Variants in MAGI2 observed in about 807,000 individuals in gnomAD.
MAGI2 encodes the protein membrane associated guanylate kinase, WW and PDZ domain containing 2.
In MAGI2, 35 loss-of-function variants were observed where a neutral mutation model predicts 133.3. The ratio of observed to expected loss-of-function variants is 0.26; its 90% CI spans 0.20 to 0.35. MAGI2 has a LOEUF of 0.35. Among genes scored for constraint, MAGI2 ranks in the 10% least tolerant of loss-of-function variants. MAGI2 has a pLI of 1.00. For missense variants in MAGI2, 1,636 were observed against 1,863.4 expected, an observed-to-expected ratio of 0.88 and a Z score of 2.25; for synonymous variants, 729 against 710.6, an observed-to-expected ratio of 1.03 and a Z score of -0.41.
At chr7:78,576,491 G>A (rs1269390658) in intron 3 of MAGI2, among the ~76,000 whole-genome samples, 1 of 151,996 alleles carries the variant, frequency 6.6e-6, no homozygotes, top group Non-Finnish European at 1.5e-5. Flanking sequence ...TCTCTTCCAA[G>A]GCAGGTCATA....
chr7:79,273,887 T>C (rs1438621504), intron 1 of MAGI2, among the ~76,000 whole-genome samples: 2 of 152,226 alleles, frequency 1.3e-5, no homozygotes, highest in East Asian at 1.9e-4. Context: ...GAGATAATTA[T>C]GGTACTAATA....
chr7:78,667,403 A>T lies in MAGI2; in HGVS notation c.419-40164T>A, dbSNP rs1219021638. Among the ~76,000 whole-genome samples the T allele has an allele frequency of 2.1e-5, 3 of 142,906 alleles. No homozygotes were observed. The Admixed American group carries it at 2.1e-4, about 10-fold the overall frequency. The allele number at this position is 142,906 out of a possible 152,430, so 93.8% of individuals were successfully genotyped here. On this transcript the variant is annotated intron_variant, in intron 2 of 21. Transcript: ENST00000354212. ...TAATTTTTTAAAAAATTTTATTATT[A>T]TTATACTTTAAGTTTTAGGGTACAT... is the stretch of plus-strand genomic sequence containing the variant.
intron 1 of MAGI2, among the ~76,000 whole-genome samples, chr7:79,449,335 C>A (rs1484502419): frequency 6.7e-6 from 1 of 149,670 alleles, no homozygotes; most frequent in Non-Finnish European, 1.5e-5. Flanking sequence ...GCCCATCTTC[C>A]ACATGGGAAG....
At chr7:78,023,781 C>T (rs941800699) in intron 21 of MAGI2, among the ~76,000 whole-genome samples, 1 of 152,178 alleles carries the variant, frequency 6.6e-6, no homozygotes, top group Admixed American at 6.5e-5. Context: ...TGGCCCTCCA[C>T]ATCTGTGGGT....
At chr7:79,222,912 T>C (rs772803426) in intron 1 of MAGI2, among the ~76,000 whole-genome samples, 47 of 152,018 alleles carry the variant, frequency 3.1e-4, no homozygotes, top group Non-Finnish European at 5.6e-4. Flanking sequence ...TGAGACGGAG[T>C]CTCACTCTGT....
chr7:78,506,299 A>G (rs1795080566), intron 4 of MAGI2, among the ~76,000 whole-genome samples: 1 of 152,150 alleles, frequency 6.6e-6, no homozygotes, highest in South Asian at 2.1e-4. Flanking sequence ...TCTGTGGGGT[A>G]GGGGTAGGCT....
chr7:78,238,662 C>T (rs1790811095), intron 10 of MAGI2, among the ~76,000 whole-genome samples: 1 of 152,158 alleles, frequency 6.6e-6, no homozygotes, highest in Non-Finnish European at 1.5e-5. Context: ...TAACCAACCT[C>T]CTCCAAGCTT....
chr7:78,994,157 T>C (rs1441944827), intron 2 of MAGI2, among the ~76,000 whole-genome samples: 1 of 151,998 alleles, frequency 6.6e-6, no homozygotes, highest in Non-Finnish European at 1.5e-5. Flanking sequence ...GTCATTACAC[T>C]GAGTCTCAAG....
intron 20 of MAGI2, among the ~76,000 whole-genome samples, chr7:78,091,803 A>G (rs2151218822): frequency 6.6e-6 from 1 of 152,346 alleles, no homozygotes; most frequent in African/African-American, 2.4e-5. Flanking sequence ...CTTCTACATG[A>G]AGAAGCAGCT....
At chr7:78,553,132 G>A (rs1046978146) in intron 3 of MAGI2, among the ~76,000 whole-genome samples, 4 of 150,352 alleles carry the variant, frequency 2.7e-5, no homozygotes, top group African/African-American at 9.8e-5. Flanking sequence ...GTATTCCAGA[G>A]CCCAGATTTG....
chr7:79,397,285 A>G (rs1425260296), intron 1 of MAGI2, among the ~76,000 whole-genome samples: 2 of 151,424 alleles, frequency 1.3e-5, no homozygotes, highest in Non-Finnish European at 2.9e-5. Context: ...AGATTTGATT[A>G]TTTTTTCACA....
chr7:78,306,767 GA>G (rs1406367285), intron 9 of MAGI2, among the ~76,000 whole-genome samples: 1 of 152,088 alleles, frequency 6.6e-6, no homozygotes, highest in Non-Finnish European at 1.5e-5. Flanking sequence ...TTTCTATCCT[GA>G]ATTAATTAAC....
chr7:78,684,635 T>C (rs1816072192), intron 2 of MAGI2, among the ~76,000 whole-genome samples: 1 of 152,150 alleles, frequency 6.6e-6, no homozygotes, highest in Non-Finnish European at 1.5e-5. Context: ...ACTTCTGTAT[T>C]ATTAAAAGAG....
intron 10 of MAGI2, among the ~76,000 whole-genome samples, chr7:78,247,534 G>A (rs1484997411): frequency 1.3e-5 from 2 of 152,044 alleles, no homozygotes; most frequent in Non-Finnish European, 2.9e-5. Context: ...AATACAGATA[G>A]ACAGTTGAAA....
At chr7:78,429,586 CT>C (rs1237687457) in intron 6 of MAGI2, among the ~76,000 whole-genome samples, 2 of 151,900 alleles carry the variant, frequency 1.3e-5, no homozygotes, top group Non-Finnish European at 2.9e-5. Context: ...AAATATGTAC[CT>C]TTTTTCTCTA....
At chr7:78,687,344 T>C (rs1475608571) in intron 2 of MAGI2, among the ~76,000 whole-genome samples, 1 of 152,180 alleles carries the variant, frequency 6.6e-6, no homozygotes, top group Non-Finnish European at 1.5e-5. Context: ...GAGCTAAATA[T>C]AGTCACATAG....
intron 2 of MAGI2, among the ~76,000 whole-genome samples, chr7:78,814,158 A>G (rs1789346927): frequency 6.6e-6 from 1 of 152,212 alleles, no homozygotes; most frequent in Admixed American, 6.5e-5. Flanking sequence ...GTAATGTCAT[A>G]GGATACGAGG....
intron 6 of MAGI2, among the ~76,000 whole-genome samples, chr7:78,435,036 T>G (rs2151440258): frequency 6.6e-6 from 1 of 152,186 alleles, no homozygotes; most frequent in East Asian, 1.9e-4. Flanking sequence ...GATTCTGGAG[T>G]CTGCCTTGGG....
Position 78,655,475 on chromosome 7 carries a change from A to AAC in MAGI2, c.419-28237_419-28236insGT, listed in dbSNP as rs376021250. On this transcript the variant is annotated intron_variant, in intron 2 of 21. Transcript: ENST00000354212. ...CAACCAAAAAAAAAAAAAAAAAAAA[A>AAC]CCACCAGAAAAAAATGCAGGTAACC... 4.4e-4 allele frequency among the ~76,000 whole-genome samples: 66 copies of AAC among 148,428 alleles called. 1 individual carries two copies. The South Asian group carries it at 0.013, about 30-fold the overall frequency.
Sources: allele counts gnomAD v4.1 joint callset (sites outside exome capture counted in the v4.1 genomes callset), GRCh38; gene constraint gnomAD v4.1.1; transcripts MANE v1.5; gene names NCBI Gene and HGNC (gene_info 2026-07-23, HGNC 2026-07-21).